Variants in KAZN observed in about 807,000 individuals in gnomAD.
The protein encoded by KAZN is kazrin, periplakin interacting protein.
Under a neutral mutation model 87.4 loss-of-function variants are expected in KAZN, and 40 were observed. The observed-to-expected ratio is 0.46, with a 90% CI of 0.36 to 0.60. KAZN has a LOEUF of 0.60. KAZN is among the 20% of genes least tolerant of loss of function. KAZN has a pLI of 0.00. For synonymous variants in KAZN, 466 were observed against 458.3 expected, an observed-to-expected ratio of 1.02 and a Z score of -0.22; for missense variants, 898 against 1,073.9, an observed-to-expected ratio of 0.84 and a Z score of 2.29.
At chr1:14,291,106 G>A (rs533362700) in intron 2 of KAZN, among the ~76,000 whole-genome samples, 9 of 152,304 alleles carry the variant, frequency 5.9e-5, no homozygotes, top group African/African-American at 1.7e-4. Flanking sequence ...GGCCCCTACT[G>A]GGAGATGCCT....
At chr1:15,049,203 A>T (rs553324755) in intron 4 of KAZN, among the ~76,000 whole-genome samples, 1 of 152,214 alleles carries the variant, frequency 6.6e-6, no homozygotes, top group African/African-American at 2.4e-5. Flanking sequence ...CCCTAGTCAC[A>T]TGTGGGGCTG....
chr1:14,680,367 A>G (rs12064501), intron 1 of KAZN, among the ~76,000 whole-genome samples: 3,445 of 152,186 alleles, frequency 0.023, 147 homozygotes, highest in African/African-American at 0.079. Flanking sequence ...ATCAGTATAG[A>G]TTAGTTTTGC....
chr1:14,921,467 A>C (rs1288537071), intron 1 of KAZN, among the ~76,000 whole-genome samples: 2 of 151,034 alleles, frequency 1.3e-5, no homozygotes, highest in Non-Finnish European at 2.9e-5. Flanking sequence ...TTTCAAATTT[A>C]GATTTCATGT....
chr1:14,176,167 T>C (rs1646070554), intron 1 of KAZN, among the ~76,000 whole-genome samples: 1 of 152,160 alleles, frequency 6.6e-6, no homozygotes, highest in South Asian at 2.1e-4. Context: ...ATCAAATAAA[T>C]TCAAATTGCT....
chr1:14,512,920 G>A (rs188191587), intron 2 of KAZN, among the ~76,000 whole-genome samples: 3 of 152,254 alleles, frequency 2.0e-5, no homozygotes, highest in African/African-American at 7.2e-5. Flanking sequence ...GAGAAGTAGC[G>A]TCCCTCTCTT....
chr1:14,217,321 G>A (rs1646979151), intron 2 of KAZN, among the ~76,000 whole-genome samples: 1 of 151,792 alleles, frequency 6.6e-6, no homozygotes, highest in Middle Eastern at 3.2e-3. Flanking sequence ...AAATAATAAA[G>A]AGTAAAATAG....
At chr1:14,930,494 G>T (rs915980456) in intron 1 of KAZN, among the ~76,000 whole-genome samples, 1 of 152,146 alleles carries the variant, frequency 6.6e-6, no homozygotes, top group African/African-American at 2.4e-5. Flanking sequence ...GTGGATTTTC[G>T]CTCAGTCGGG....
chr1:14,864,045 G>A (rs905726374), intron 1 of KAZN, among the ~76,000 whole-genome samples: 3 of 152,136 alleles, frequency 2.0e-5, no homozygotes, highest in African/African-American at 7.2e-5. Context: ...GCCAGGCATG[G>A]GTCAAAACAG....
At chr1:14,402,004 T>C (rs1319100044) in intron 2 of KAZN, among the ~76,000 whole-genome samples, 1 of 151,508 alleles carries the variant, frequency 6.6e-6, no homozygotes, top group East Asian at 1.9e-4. Flanking sequence ...TTTGTTAATA[T>C]AATACAAGTA....
intron 1 of KAZN, among the ~76,000 whole-genome samples, chr1:14,040,415 A>G (rs1028398290): frequency 6.6e-6 from 1 of 152,144 alleles, no homozygotes; most frequent in Non-Finnish European, 1.5e-5. Context: ...GATTCCTTCC[A>G]TTAGACTCGA....
At chr1:14,714,420 C>T (rs993815525) in intron 1 of KAZN, among the ~76,000 whole-genome samples, 12 of 152,116 alleles carry the variant, frequency 7.9e-5, no homozygotes, top group Non-Finnish European at 1.5e-4. Flanking sequence ...AAAAAAAAAT[C>T]CCTAAGCAGC....
chr1:14,333,117 A>C (rs1656970454), intron 2 of KAZN, among the ~76,000 whole-genome samples: 1 of 151,992 alleles, frequency 6.6e-6, no homozygotes. Flanking sequence ...GCTCCCACTT[A>C]TAAGTGAGAA....
chr1:14,749,096 C>T (rs1252812171), intron 1 of KAZN, among the ~76,000 whole-genome samples: 4 of 152,200 alleles, frequency 2.6e-5, no homozygotes, highest in Admixed American at 2.0e-4. Flanking sequence ...ATTAAAGACC[C>T]TATCAAGGGT....
intron 1 of KAZN, among the ~76,000 whole-genome samples, chr1:14,635,544 G>A (rs1679905358): frequency 6.6e-6 from 1 of 152,254 alleles, no homozygotes; most frequent in Non-Finnish European, 1.5e-5. Context: ...CTGTACTAAC[G>A]CGATTACGAT....
intron 1 of KAZN, among the ~76,000 whole-genome samples, chr1:14,950,759 C>A (rs1662382875): frequency 6.6e-6 from 1 of 152,072 alleles, no homozygotes; most frequent in African/African-American, 2.4e-5. Context: ...TGAGCAAAGA[C>A]ACTGAGGTTC....
At chr1:14,862,887 G>A (rs1651031513) in intron 1 of KAZN, among the ~76,000 whole-genome samples, 1 of 152,136 alleles carries the variant, frequency 6.6e-6, no homozygotes, top group Non-Finnish European at 1.5e-5. Flanking sequence ...CCCTGCATAT[G>A]GTGTCTCATT....
chr1:14,967,425 C>T (rs920045671), intron 2 of KAZN, among the ~76,000 whole-genome samples: 2 of 152,208 alleles, frequency 1.3e-5, no homozygotes, highest in Non-Finnish European at 2.9e-5. Flanking sequence ...CTTCCCTGTC[C>T]GATGGGCTCA....
chr1:15,008,624 C>G (rs1272996321), intron 2 of KAZN, among the ~76,000 whole-genome samples: 3 of 152,222 alleles, frequency 2.0e-5, no homozygotes, highest in Non-Finnish European at 2.9e-5. Context: ...GTTATGTGAC[C>G]TGCACAGGTG....
At chr1:14,403,170 A>T (rs1488237750) in intron 2 of KAZN, among the ~76,000 whole-genome samples, 1 of 152,218 alleles carries the variant, frequency 6.6e-6, no homozygotes, top group Non-Finnish European at 1.5e-5. Flanking sequence ...ATTGCAAATA[A>T]ATAGAAAAAA....
Sources: gnomAD v4.1 joint callset for allele counts (sites outside exome capture counted in the v4.1 genomes callset) on GRCh38, gnomAD v4.1.1 for gene constraint, MANE v1.5 for transcripts, NCBI Gene and HGNC (gene_info 2026-07-23, HGNC 2026-07-21) for gene names.